The following PFKFB1 variants were observed in gnomAD, a reference collection of about 807,000 sequenced individuals.
PFKFB1 encodes the protein 6-phosphofructo-2-kinase/fructose-2,6-bisphosphatase 1.
A neutral mutation model predicts 46.4 loss-of-function variants in PFKFB1; 34 were observed. The ratio of observed to expected loss-of-function variants is 0.73; its 90% CI spans 0.56 to 0.98. The LOEUF is 0.98. Among genes scored for constraint, PFKFB1 ranks in the 50% least tolerant of loss-of-function variants. The pLI is 0.00. For synonymous variants in PFKFB1, 119 were observed against 133.8 expected (o/e 0.89, Z 0.76); for missense variants, 393 against 376.3 (o/e 1.04, Z -0.37).
chrX:54,991,563 GTGTGTGTGTTTGTATA>G (rs1935243058), intron 1 of PFKFB1, among the ~76,000 whole-genome samples: 1 of 108,539 alleles, frequency 9.2e-6, no homozygotes, highest in African/African-American at 3.4e-5. Flanking sequence ...GTGTGTGTGT[GTGTGTGTGTTTGTATA>G]TGTGTGTAAC....
Position 54,939,196 on chromosome X carries a change from G to A in PFKFB1, c.1099-1472C>T, listed in dbSNP as rs1245327846. Among the ~76,000 whole-genome samples, 87 of 111,513 alleles carry A rather than the reference G, an allele frequency of 7.8e-4. 2 individuals carry two copies. The Admixed American group carries it at 8.2e-3, about 11-fold the overall frequency. ...AATAAAGATGTTCTTTGAAACCAAC[G>A]AGAACAAAGACACAACATACCAGAA... On this transcript the variant is annotated intron_variant, in intron 10 of 13. Transcript: ENST00000375006.
At chrX:54,966,753 C>T (rs1934488927) in intron 1 of PFKFB1, among the ~76,000 whole-genome samples, 1 of 111,583 alleles carries the variant, frequency 9.0e-6, no homozygotes, top group Non-Finnish European at 1.9e-5. Flanking sequence ...CTCACTCTCT[C>T]CTCCTGCTAC....
chrX:54,976,790 C>T (rs968094549), intron 1 of PFKFB1, among the ~76,000 whole-genome samples: 1 of 111,389 alleles, frequency 9.0e-6, no homozygotes, highest in African/African-American at 3.3e-5. Flanking sequence ...CAATCATAAA[C>T]TAGAATACCA....
intron 1 of PFKFB1, among the ~76,000 whole-genome samples, chrX:54,983,531 G>A (rs1318334344): frequency 8.9e-6 from 1 of 112,078 alleles, no homozygotes; most frequent in Non-Finnish European, 1.9e-5. Context: ...GTATTCCACG[G>A]CATACACATA....
At chrX:54,988,764 G>A (rs779042281) in intron 1 of PFKFB1, among the ~76,000 whole-genome samples, 1 of 111,883 alleles carries the variant, frequency 8.9e-6, no homozygotes, top group South Asian at 3.7e-4. Context: ...AAAAAATGCT[G>A]CTAGGACAAC....
chrX:54,956,071 G>T, intron 7 of PFKFB1, 82 bp downstream of exon 7: 1 of 597,947 alleles, frequency 1.7e-6, no homozygotes, highest in Non-Finnish European at 2.7e-6. Context: ...GCCCAGCAAG[G>T]GAGGATATTT....
intron 1 of PFKFB1, among the ~76,000 whole-genome samples, chrX:54,980,956 A>G (rs1355768729): frequency 9.0e-6 from 1 of 111,645 alleles, no homozygotes; most frequent in African/African-American, 3.2e-5. Flanking sequence ...AGAATCAAAT[A>G]CAGCTTCTAG....
chrX:54,965,027 C>T (rs1170432445), intron 1 of PFKFB1, among the ~76,000 whole-genome samples: 3 of 111,277 alleles, frequency 2.7e-5, no homozygotes, highest in Non-Finnish European at 5.7e-5. Flanking sequence ...GAAACCAGAA[C>T]AAAACATCCA....
At chrX:54,939,099 C>A (rs1255566058) in intron 10 of PFKFB1, among the ~76,000 whole-genome samples, 1 of 111,816 alleles carries the variant, frequency 8.9e-6, no homozygotes. Flanking sequence ...TCATGCAAAA[C>A]CGCTCAGCTA....
Position 54,933,340 on chromosome X carries a change from G to T in PFKFB1, c.*63C>A. 1 of 965,673 alleles carries T rather than the reference G, an allele frequency of 1.0e-6. No individual in the cohort carries two copies. Among genetic ancestry groups the T allele is most frequent in the Non-Finnish European group, 1.5e-6 (1 of 672,082 alleles). 79.6% of individuals were successfully genotyped at this position (965,673 alleles called of 1,213,427 possible). A position where few individuals can be genotyped will look rare whatever the true frequency, so the allele number is the denominator to read the frequency against. ...CAAGGCAGAGTAGGAGAAGAGCAAA[G>T]ATAGCATTTCCTAAAGGTGGAAGGC... On this transcript the variant is annotated 3_prime_UTR_variant, in exon 14 of 14. Transcript: ENST00000375006.
intron 8 of PFKFB1, among the ~76,000 whole-genome samples, chrX:54,951,264 G>A (rs1351605482): frequency 8.9e-6 from 1 of 112,390 alleles, no homozygotes; most frequent in Non-Finnish European, 1.9e-5. Flanking sequence ...CAGGCCAGGA[G>A]AGCCACACAT....
At chrX:54,979,705 C>T (rs768854932) in intron 1 of PFKFB1, among the ~76,000 whole-genome samples, 1 of 112,088 alleles carries the variant, frequency 8.9e-6, no homozygotes, top group South Asian at 3.7e-4. Context: ...TACAATATCA[C>T]CCTTAATGAT....
chrX:54,937,451 A>T, intron 11 of PFKFB1, 144 bp downstream of exon 11: 2 of 498,838 alleles, frequency 4.0e-6, no homozygotes, highest in Non-Finnish European at 6.4e-6. Flanking sequence ...CAGTACAGCT[A>T]GTATGTGAAA....
chrX:54,933,210 A>T lies in PFKFB1; in HGVS notation c.*193T>A. The T allele has an allele frequency of 2.3e-6, 1 of 437,002 alleles. No homozygotes were observed. Among genetic ancestry groups the T allele is most frequent in the Non-Finnish European group, 4.0e-6 (1 of 249,266 alleles). 36.0% of individuals were successfully genotyped at this position (437,002 alleles called of 1,213,427 possible). A position where few individuals can be genotyped will look rare whatever the true frequency, so the allele number is the denominator to read the frequency against. On this transcript the variant is annotated 3_prime_UTR_variant, in exon 14 of 14. Coordinates refer to ENST00000375006, the MANE Select transcript of PFKFB1 (RefSeq NM_002625.4). ...TCAGAGAATAGGAATTAAGAAAGAA[A>T]GTTTCCTCCAGAGCTAGATAGCTCC...
chrX:54,956,452 G>A (rs902895580), intron 6 of PFKFB1, among the ~76,000 whole-genome samples, 178 bp from the exon 7 acceptor site: 18 of 111,681 alleles, frequency 1.6e-4, no homozygotes, highest in South Asian at 3.8e-4. Context: ...AAAGAAGCTG[G>A]TTGTGTGACT....
chrX:54,987,265 A>C (rs1006671356), intron 1 of PFKFB1, among the ~76,000 whole-genome samples: 21 of 111,665 alleles, frequency 1.9e-4, no homozygotes, highest in African/African-American at 6.2e-4. Context: ...ATGAAATCTA[A>C]ATAGATCTAT....
At chrX:54,940,573 T>C (rs1467700989) in intron 10 of PFKFB1, among the ~76,000 whole-genome samples, 1 of 111,449 alleles carries the variant, frequency 9.0e-6, no homozygotes, top group Non-Finnish European at 1.9e-5. Flanking sequence ...TGTGCAAAAA[T>C]CACAAGCATT....
At chrX:54,938,073 C>T (rs960924465) in intron 10 of PFKFB1, among the ~76,000 whole-genome samples, 13 of 111,409 alleles carry the variant, frequency 1.2e-4, no homozygotes, top group East Asian at 2.8e-4. Context: ...TAGAGAAAAA[C>T]GGAAAAAAAC....
upstream of PFKFB1, chrX:54,994,986 G>T: frequency 3.2e-6 from 1 of 313,290 alleles, no homozygotes; most frequent in Non-Finnish European, 4.2e-6. Context: ...TTTCACTAAA[G>T]TTCCTCATGC....
Sources: gnomAD v4.1 joint callset for allele counts (sites outside exome capture counted in the v4.1 genomes callset) on GRCh38, gnomAD v4.1.1 for gene constraint, MANE v1.5 for transcripts, NCBI Gene and HGNC (gene_info 2026-07-23, HGNC 2026-07-21) for gene names.